PPP3R1: variants seen among roughly 807,000 people sequenced by gnomAD.
PPP3R1 encodes calcineurin subunit B type 1.
PPP3R1 carries 5 observed loss-of-function variants against 22.6 expected under a neutral mutation model. The observed-to-expected ratio is 0.22, with a 90% confidence interval of 0.12 to 0.46. The LOEUF is 0.46. Ranked by LOEUF, PPP3R1 falls within the 20% of genes least tolerant of loss-of-function variation. The pLI, the probability that PPP3R1 is intolerant of heterozygous loss-of-function variation, is 0.99. For synonymous variants in PPP3R1, 56 were observed against 65.2 expected (o/e 0.86, Z 0.68); for missense variants, 61 against 203.2 (o/e 0.30, Z 4.25).
intron 2 of PPP3R1, among the ~76,000 whole-genome samples, chr2:68,199,978 TTC>T (rs1260730268): frequency 1.1e-4 from 17 of 152,278 alleles, no homozygotes; most frequent in Admixed American, 6.5e-5. Flanking sequence ...AAGACTGTGT[TTC>T]TTTCTTTCTT....
At chr2:68,207,561 C>G (rs923611129) in intron 2 of PPP3R1, among the ~76,000 whole-genome samples, 1 of 152,152 alleles carries the variant, frequency 6.6e-6, no homozygotes, top group African/African-American at 2.4e-5. Context: ...TTTTCTCTGG[C>G]CCTCAGTCCC....
Position 68,252,289 on chromosome 2 carries a change from G to A in PPP3R1, c.-162C>T. The A allele has an allele frequency of 9.7e-7, 1 of 1,031,998 alleles. No individual in the cohort carries two copies. The highest frequency in any genetic ancestry group is 1.2e-6 in the Non-Finnish European group (1 of 861,596). 63.9% of individuals were successfully genotyped at this position (1,031,998 alleles called of 1,614,324 possible). A position where few individuals can be genotyped will look rare whatever the true frequency, so the allele number is the denominator to read the frequency against. On this transcript the variant is annotated 5_prime_UTR_variant, in exon 1 of 6. Coordinates refer to ENST00000234310, the MANE Select transcript of PPP3R1 (RefSeq NM_000945.4). ...GGGGAGGCGGCGCCGCGGGGCCCGCGCCGGCCGGGCGATTGGGCACGCGAG... is the reference window on the plus strand; with the variant it reads ...GGGGAGGCGGCGCCGCGGGGCCCGCACCGGCCGGGCGATTGGGCACGCGAG...
chr2:68,183,500 T>C (rs1478798011), intron 5 of PPP3R1, among the ~76,000 whole-genome samples: 2 of 152,238 alleles, frequency 1.3e-5, no homozygotes. Context: ...TTTTTGGCTT[T>C]GGAGTATTTT....
At chr2:68,230,854 T>C (rs111865722) in intron 1 of PPP3R1, among the ~76,000 whole-genome samples, 2,714 of 152,324 alleles carry the variant, frequency 0.018, 87 homozygotes, top group African/African-American at 0.061. Flanking sequence ...AGAAACCTGC[T>C]ATCATTTGAA....
Position 68,181,965 on chromosome 2 carries a change from A to T in PPP3R1, c.466-955T>A, listed in dbSNP as rs1013444269. Among the ~76,000 whole-genome samples, 6 of 152,188 alleles carry T rather than the reference A, an allele frequency of 3.9e-5. No individual in the cohort carries two copies. The East Asian group carries it at 1.2e-3, about 29-fold the overall frequency. On this transcript the variant is annotated intron_variant, in intron 5 of 5. Transcript: ENST00000234310. Reference sequence around the variant, plus strand: ...TTTATTACATTTAATCTACATAAAGAGAATGCATAGGTCATAAATGTCCAC... The same window carrying T: ...TTTATTACATTTAATCTACATAAAGTGAATGCATAGGTCATAAATGTCCAC...
intron 1 of PPP3R1, among the ~76,000 whole-genome samples, chr2:68,227,685 T>A (rs1669814660): frequency 6.6e-6 from 1 of 152,098 alleles, no homozygotes; most frequent in Non-Finnish European, 1.5e-5. Context: ...ACATAATATG[T>A]TTAACTATTT....
chr2:68,220,024 T>TAA (rs369003819), intron 1 of PPP3R1, among the ~76,000 whole-genome samples: 4 of 152,056 alleles, frequency 2.6e-5, no homozygotes, highest in South Asian at 2.1e-4. Flanking sequence ...TGACCAGTGT[T>TAA]AAAAAAAACT....
chr2:68,228,450 T>C (rs1041982181), intron 1 of PPP3R1, among the ~76,000 whole-genome samples: 4 of 152,316 alleles, frequency 2.6e-5, no homozygotes, highest in South Asian at 2.1e-4. Flanking sequence ...TACTTCAAAG[T>C]TGTCAAATTT....
chr2:68,182,657 TAAA>T lies in PPP3R1; in HGVS notation c.466-1650_466-1648del, dbSNP rs34758901. The stretch of plus-strand genomic sequence containing the variant: ...ATGGTGAAACCAGGTCTCTAATACT[TAAA>T]AAAAAAAAAAAAAAAGATTAGGCGG... On this transcript the variant is annotated intron_variant, in intron 5 of 5. Transcript: ENST00000234310. Among the ~76,000 whole-genome samples the T allele has an allele frequency of 3.9e-3, 488 of 123,798 alleles. 1 individual carries two copies. The highest frequency in any genetic ancestry group is 0.012 in the African/African-American group (380 of 32,818). 81.2% of individuals were successfully genotyped at this position (123,798 alleles called of 152,430 possible).
intron 4 of PPP3R1, 67 bp from the exon 5 acceptor site, chr2:68,186,719 AAG>A: frequency 2.3e-6 from 3 of 1,331,046 alleles, no homozygotes; most frequent in Non-Finnish European, 3.1e-6. Context: ...TTCAGTAAGA[AAG>A]AAAATAGTAA....
intron 1 of PPP3R1, among the ~76,000 whole-genome samples, chr2:68,245,692 G>A (rs1670221629): frequency 1.3e-5 from 2 of 152,116 alleles, no homozygotes; most frequent in Admixed American, 6.5e-5. Flanking sequence ...CTATAAAGCA[G>A]TATTCCTTTG....
intron 2 of PPP3R1, among the ~76,000 whole-genome samples, chr2:68,192,442 T>C (rs1008015644): frequency 6.6e-6 from 1 of 152,170 alleles, no homozygotes; most frequent in African/African-American, 2.4e-5. Flanking sequence ...AGCAGAAATG[T>C]AGTATGATAA....
chr2:68,229,973 T>TACACACACACACACACAC (rs201152385), intron 1 of PPP3R1, among the ~76,000 whole-genome samples: 1,759 of 143,182 alleles, frequency 0.012, 14 homozygotes, highest in Admixed American at 0.017. Context: ...TATACACACA[T>TACACACACACACACACAC]ACACACACAC....
At chr2:68,223,709 T>C (rs1669729821) in intron 1 of PPP3R1, among the ~76,000 whole-genome samples, 1 of 151,884 alleles carries the variant, frequency 6.6e-6, no homozygotes, top group South Asian at 2.1e-4. Flanking sequence ...CTATAAAAGG[T>C]TATCTACAAA....
chr2:68,210,352 C>T (rs559692887), intron 2 of PPP3R1, among the ~76,000 whole-genome samples: 20 of 152,266 alleles, frequency 1.3e-4, no homozygotes, highest in African/African-American at 4.6e-4. Flanking sequence ...CCAATACAGC[C>T]AAAAGTAACC....
chr2:68,194,780 CA>C (rs1320960470), intron 2 of PPP3R1, among the ~76,000 whole-genome samples: 1 of 151,966 alleles, frequency 6.6e-6, no homozygotes, highest in Non-Finnish European at 1.5e-5. Flanking sequence ...GGTAGAAAAA[CA>C]AAACTTTCCT....
At chr2:68,250,214 A>C (rs1227977182) in intron 1 of PPP3R1, among the ~76,000 whole-genome samples, 1 of 152,194 alleles carries the variant, frequency 6.6e-6, no homozygotes, top group Non-Finnish European at 1.5e-5. Context: ...TGGGAAGAAA[A>C]GGAACATAAT....
intron 2 of PPP3R1, among the ~76,000 whole-genome samples, chr2:68,199,115 C>T (rs1674902116): frequency 6.6e-6 from 1 of 152,112 alleles, no homozygotes; most frequent in Non-Finnish European, 1.5e-5. Flanking sequence ...AGGCAAGTGC[C>T]ACCATGCCCA....
intron 2 of PPP3R1, among the ~76,000 whole-genome samples, chr2:68,214,058 T>C (rs1310646871): frequency 6.6e-6 from 1 of 152,178 alleles, no homozygotes. Context: ...ACTCCGTAAT[T>C]CAATAAGTGG....
Sources: allele counts gnomAD v4.1 joint callset (sites outside exome capture counted in the v4.1 genomes callset), GRCh38; gene constraint gnomAD v4.1.1; transcripts MANE v1.5; gene names NCBI Gene and HGNC (gene_info 2026-07-23, HGNC 2026-07-21).